Variants in CTNNA2 observed in about 807,000 individuals in gnomAD.
CTNNA2 encodes the protein catenin alpha 2.
In CTNNA2, 42 loss-of-function variants were observed where a neutral mutation model predicts 101.0. That is an observed-to-expected ratio of 0.42 (90% CI 0.32 to 0.54). The LOEUF is 0.54. Among genes scored for constraint, CTNNA2 ranks in the 20% least tolerant of loss-of-function variants. The pLI is 0.14. For missense variants in CTNNA2, 871 were observed against 1,223.1 expected (o/e 0.71, Z 4.29); for synonymous variants, 450 against 456.4 (o/e 0.99, Z 0.18).
intron 4 of CTNNA2, among the ~76,000 whole-genome samples, chr2:79,396,524 G>T (rs151069705): frequency 6.9e-4 from 105 of 152,220 alleles, no homozygotes; most frequent in African/African-American, 2.4e-3. Flanking sequence ...GCTCACTGAA[G>T]AAGGAGATTT....
At chr2:80,267,674 C>T (rs962790212) in intron 7 of CTNNA2, among the ~76,000 whole-genome samples, 4 of 152,108 alleles carry the variant, frequency 2.6e-5, no homozygotes, top group Non-Finnish European at 4.4e-5. Context: ...GGTCTGGGGA[C>T]CTGGAAAAGT....
chr2:79,839,466 AT>A (rs1458402025), intron 3 of CTNNA2, among the ~76,000 whole-genome samples: 1 of 152,030 alleles, frequency 6.6e-6, no homozygotes, highest in Non-Finnish European at 1.5e-5. Context: ...TATATTTCAA[AT>A]GTGGAAAATT....
intron 7 of CTNNA2, among the ~76,000 whole-genome samples, chr2:79,977,050 G>C (rs964365148): frequency 1.3e-5 from 2 of 152,162 alleles, no homozygotes; most frequent in Non-Finnish European, 2.9e-5. Flanking sequence ...TTCACACAGA[G>C]CTTGAAACTT....
rs574942961 is a variant in CTNNA2, at chr2:79,521,754, T to G, written c.-6+8547T>G. ...AAGAGGTTGAAGCAAAAAGCTGAGA[T>G]TGTGGTCACAACTTTTTATTGTGGG... is the stretch of plus-strand genomic sequence containing the variant. On this transcript the variant is annotated intron_variant, in intron 1 of 18. Coordinates refer to ENST00000402739, the MANE Select transcript of CTNNA2 (RefSeq NM_001282597.3). 2.0e-5 allele frequency among the ~76,000 whole-genome samples: 3 copies of G among 152,240 alleles called. No homozygotes were observed. The East Asian group carries it at 5.8e-4, about 29-fold the overall frequency.
intron 7 of CTNNA2, among the ~76,000 whole-genome samples, chr2:79,982,164 G>T (rs1247197562): frequency 1.5e-5 from 2 of 129,324 alleles, no homozygotes; most frequent in Non-Finnish European, 1.6e-5. Context: ...TCAGCCTCCA[G>T]AGTACCTGAG....
intron 1 of CTNNA2, chr2:79,523,281 G>A (rs779762810): frequency 4.5e-6 from 2 of 448,570 alleles, no homozygotes; most frequent in South Asian, 3.2e-5. Flanking sequence ...GGGGCCCCAG[G>A]AGACTGCTTC....
chr2:80,558,951 T>C (rs1693303950), intron 12 of CTNNA2, among the ~76,000 whole-genome samples: 1 of 152,164 alleles, frequency 6.6e-6, no homozygotes, highest in Admixed American at 6.5e-5. Flanking sequence ...TGAACAGTTG[T>C]TTCTTGGGGA....
At chr2:79,720,087 G>A (rs1454521647) in intron 2 of CTNNA2, among the ~76,000 whole-genome samples, 1 of 152,082 alleles carries the variant, frequency 6.6e-6, no homozygotes, top group African/African-American at 2.4e-5. Flanking sequence ...AAAGGTGAGA[G>A]TCCAATTTCA....
intron 7 of CTNNA2, among the ~76,000 whole-genome samples, chr2:80,335,418 A>G (rs1362812925): frequency 6.6e-6 from 1 of 152,182 alleles, no homozygotes; most frequent in Non-Finnish European, 1.5e-5. Flanking sequence ...GACTGGCCCC[A>G]AATGCCTTAT....
In CTNNA2 at chr2:79,266,959, A is replaced by G. The variant is rs115562656; in HGVS notation, c.-405-45750A>G. On this transcript the variant is annotated intron_variant, in intron 2 of 21. Transcript: ENST00000466387. ...TACTCAAAATTAGACCTAATATTTG[A>G]GCTTAATATCTGATTTTAAGAATAA... is the stretch of plus-strand genomic sequence containing the variant. 7.3e-3 allele frequency among the ~76,000 whole-genome samples: 1,105 copies of G among 152,186 alleles called. 14 individuals carry two copies. The highest frequency in any genetic ancestry group is 0.025 in the African/African-American group (1,022 of 41,530).
intron 9 of CTNNA2, among the ~76,000 whole-genome samples, chr2:80,432,442 C>T (rs1681630772): frequency 6.6e-6 from 1 of 152,174 alleles, no homozygotes; most frequent in Non-Finnish European, 1.5e-5. Flanking sequence ...TACCACTTCC[C>T]ACCAGATTGC....
intron 9 of CTNNA2, among the ~76,000 whole-genome samples, chr2:80,470,029 G>C (rs1249117247): frequency 6.6e-6 from 1 of 152,118 alleles, no homozygotes; most frequent in Admixed American, 6.5e-5. Flanking sequence ...AGAGGACTCT[G>C]CTCCAGCCCT....
chr2:80,602,205 T>G (rs1337085382), intron 15 of CTNNA2: 4 of 152,062 alleles, frequency 2.6e-5, no homozygotes, highest in African/African-American at 9.7e-5. Flanking sequence ...TTTTTTTTCC[T>G]AACATACTAG....
At chr2:80,123,447 G>GA (rs528984412) in intron 7 of CTNNA2, among the ~76,000 whole-genome samples, 3,596 of 121,710 alleles carry the variant, frequency 0.03, 168 homozygotes, top group Admixed American at 0.13. Flanking sequence ...TAGTGGTGCA[G>GA]AAAAAAAAAA....
chr2:79,391,460 A>T (rs1678170733), intron 4 of CTNNA2, among the ~76,000 whole-genome samples: 1 of 152,194 alleles, frequency 6.6e-6, no homozygotes, highest in South Asian at 2.1e-4. Context: ...CAGTATATAT[A>T]AAAAAGATGT....
chr2:80,191,230 A>G (rs549652597), intron 7 of CTNNA2, among the ~76,000 whole-genome samples: 1 of 152,340 alleles, frequency 6.6e-6, no homozygotes, highest in African/African-American at 2.4e-5. Flanking sequence ...ACAGAATAGT[A>G]GGAGATATGA....
At chr2:80,139,615 A>G (rs1702888047) in intron 7 of CTNNA2, among the ~76,000 whole-genome samples, 1 of 152,172 alleles carries the variant, frequency 6.6e-6, no homozygotes, top group African/African-American at 2.4e-5. Flanking sequence ...AATACAATAT[A>G]TATTACCAAA....
chr2:80,060,241 G>T (rs1184771819), intron 7 of CTNNA2, among the ~76,000 whole-genome samples: 1 of 152,160 alleles, frequency 6.6e-6, no homozygotes, highest in Non-Finnish European at 1.5e-5. Flanking sequence ...AAGACATCTG[G>T]ATGAGAGCTG....
intron 3 of CTNNA2, among the ~76,000 whole-genome samples, chr2:79,751,262 C>T (rs1219810044): frequency 6.6e-6 from 1 of 151,866 alleles, no homozygotes; most frequent in Non-Finnish European, 1.5e-5. Context: ...ATAAAGAAGC[C>T]CTGATTTGAT....
Sources: gnomAD v4.1 joint callset for allele counts (sites outside exome capture counted in the v4.1 genomes callset) on GRCh38, gnomAD v4.1.1 for gene constraint, MANE v1.5 for transcripts, NCBI Gene and HGNC (gene_info 2026-07-23, HGNC 2026-07-21) for gene names.